The following SLC22A15 variants were observed in gnomAD, a reference collection of about 807,000 sequenced individuals.
SLC22A15 encodes the protein flipt 1.
In SLC22A15, 45 loss-of-function variants were observed where a neutral mutation model predicts 62.7. That is an observed-to-expected ratio of 0.72 (90% confidence interval 0.56 to 0.92). The LOEUF is 0.92. Ranked by LOEUF, SLC22A15 falls within the 40% of genes least tolerant of loss-of-function variation. SLC22A15 has a pLI of 0.00. For missense variants in SLC22A15, 622 were observed against 665.6 expected (o/e 0.93, Z 0.72); for synonymous variants, 264 against 267.0 (o/e 0.99, Z 0.11).
intron 2 of SLC22A15, among the ~76,000 whole-genome samples, chr1:116,007,331 G>A (rs1656033145): frequency 6.6e-6 from 1 of 152,196 alleles, no homozygotes; most frequent in Non-Finnish European, 1.5e-5. Context: ...GGGAACTCTG[G>A]GGTCATGATT....
intron 8 of SLC22A15, among the ~76,000 whole-genome samples, chr1:116,045,674 G>A (rs751276762): frequency 1.4e-5 from 2 of 141,848 alleles, no homozygotes; most frequent in African/African-American, 5.0e-5. Context: ...GGGGGGTAGA[G>A]GTTGCAGTGA....
chr1:115,982,717 A>G (rs1305274295), intron 1 of SLC22A15, among the ~76,000 whole-genome samples: 2 of 152,156 alleles, frequency 1.3e-5, no homozygotes, highest in Non-Finnish European at 1.5e-5. Flanking sequence ...GATTCCATTC[A>G]TATAGTTCTA....
intron 8 of SLC22A15, among the ~76,000 whole-genome samples, chr1:116,060,008 T>C (rs189088777): frequency 1.2e-4 from 18 of 152,366 alleles, no homozygotes; most frequent in Non-Finnish European, 2.2e-4. Flanking sequence ...GTTTTGCTTA[T>C]GTCTTTTAAA....
intron 8 of SLC22A15, among the ~76,000 whole-genome samples, chr1:116,052,114 G>A (rs900554845): frequency 1.7e-4 from 26 of 152,348 alleles, no homozygotes; most frequent in African/African-American, 5.8e-4. Flanking sequence ...TGCCTCACTC[G>A]GGAAGTGCAA....
rs776013225 is a variant in SLC22A15 at position 116,020,788 on chromosome 1, A to G, written c.501A>G (p.Val167=). 9.3e-6 allele frequency: 15 copies of G among 1,613,816 alleles called. No individual in the cohort carries two copies. The highest frequency in any genetic ancestry group is 6.7e-5 in the Admixed American group (4 of 60,010). ...CCCCCTCATATGAGTTCTTTGCAGT[A>G]ACTCGCTTCCTGGTGGGCATGATGA... ...GFSPSYEFFA[V]TRFLVGMMNG... The change falls in exon 4 of 12, where the codon GTA becomes GTG. Residue 167 remains valine, a synonymous_variant. Coordinates refer to ENST00000369503, the MANE Select transcript of SLC22A15 (RefSeq NM_018420.3).
Position 116,067,287 on chromosome 1 carries a change from A to C in SLC22A15, c.*179A>C. On this transcript the variant is annotated 3_prime_UTR_variant, in exon 12 of 12. Coordinates refer to ENST00000369503, the MANE Select transcript of SLC22A15 (RefSeq NM_018420.3). Reference sequence around the variant, plus strand: ...AGAAGTTGGAGAAGAGATTTCATGAAAGACAACATCACTGCATTGAGAGAA... The same window carrying C: ...AGAAGTTGGAGAAGAGATTTCATGACAGACAACATCACTGCATTGAGAGAA... The C allele has an allele frequency of 1.7e-6, 1 of 587,976 alleles. No individual in the cohort carries two copies. Among genetic ancestry groups the C allele is most frequent in the Non-Finnish European group, 3.0e-6 (1 of 331,328 alleles). 36.4% of individuals were successfully genotyped at this position (587,976 alleles called of 1,614,324 possible). A position where few individuals can be genotyped will look rare whatever the true frequency, so the allele number is the denominator to read the frequency against.
chr1:116,000,358 CAA>C (rs1471359075), intron 2 of SLC22A15, among the ~76,000 whole-genome samples: 6 of 152,046 alleles, frequency 3.9e-5, no homozygotes, highest in Non-Finnish European at 7.4e-5. Context: ...AACAAGCAAA[CAA>C]AGAGAAAACT....
chr1:116,057,588 C>G (rs577659826), intron 8 of SLC22A15, among the ~76,000 whole-genome samples: 15 of 152,324 alleles, frequency 9.8e-5, no homozygotes, highest in African/African-American at 3.4e-4. Flanking sequence ...AATCATGCTG[C>G]TATAAAGACA....
intron 8 of SLC22A15, among the ~76,000 whole-genome samples, chr1:116,059,693 C>T (rs1257009669): frequency 6.6e-6 from 1 of 152,118 alleles, no homozygotes; most frequent in African/African-American, 2.4e-5. Flanking sequence ...AGGACCTGTA[C>T]CTGTCTTAAA....
intron 2 of SLC22A15, among the ~76,000 whole-genome samples, chr1:116,001,384 A>G (rs753504243): frequency 6.6e-6 from 1 of 152,152 alleles, no homozygotes; most frequent in Admixed American, 6.5e-5. Context: ...CTCTCTAGGT[A>G]TGGAAAGTTC....
chr1:116,003,200 ACTGTGG>A (rs1655820956), intron 2 of SLC22A15, among the ~76,000 whole-genome samples: 1 of 151,994 alleles, frequency 6.6e-6, no homozygotes, highest in Admixed American at 6.6e-5. Context: ...GCTTTATTTT[ACTGTGG>A]CTGAGCTGGT....
intron 2 of SLC22A15, among the ~76,000 whole-genome samples, chr1:115,995,098 C>T (rs1336249676): frequency 1.3e-5 from 2 of 152,054 alleles, no homozygotes; most frequent in Non-Finnish European, 2.9e-5. Context: ...TTTGGTTTTG[C>T]ATCCCAAGTC....
At chr1:115,981,870 A>G (rs1654628337) in intron 1 of SLC22A15, among the ~76,000 whole-genome samples, 1 of 152,214 alleles carries the variant, frequency 6.6e-6, no homozygotes, top group Non-Finnish European at 1.5e-5. Flanking sequence ...AGTCACGAGG[A>G]CAGGCAATGT....
chr1:115,986,538 G>C (rs933786963), intron 1 of SLC22A15, among the ~76,000 whole-genome samples: 1 of 152,188 alleles, frequency 6.6e-6, no homozygotes, highest in Admixed American at 6.5e-5. Context: ...ATCTGAGCTT[G>C]AGCTGAACTT....
chr1:116,048,179 A>T (rs138025229), intron 8 of SLC22A15, among the ~76,000 whole-genome samples: 2,761 of 152,298 alleles, frequency 0.018, 35 homozygotes, highest in Middle Eastern at 0.065. Context: ...ATCAAGGAAA[A>T]CTTCCCTGGC....
chr1:116,023,169 A>G (rs12023924), intron 4 of SLC22A15, among the ~76,000 whole-genome samples: 35,081 of 152,160 alleles, frequency 0.23, 4,549 homozygotes, highest in East Asian at 0.48. Context: ...TGCAATATGT[A>G]AAAAACAATA....
Position 116,007,748 on chromosome 1 carries a change from C to A in SLC22A15, c.301-11834C>A, listed in dbSNP as rs1042294141. Among the ~76,000 whole-genome samples the A allele has an allele frequency of 1.1e-4, 17 of 152,224 alleles. No homozygotes were observed. In the East Asian group the frequency reaches 3.3e-3, roughly 29 times the overall value. On this transcript the variant is annotated intron_variant, in intron 2 of 11. Coordinates refer to ENST00000369503, the MANE Select transcript of SLC22A15 (RefSeq NM_018420.3). ...GATGAAGAGAATTTAAAGAATTTTCCCTAAATCATACACCTAATAAGCTGC... is the reference window on the plus strand; with the variant it reads ...GATGAAGAGAATTTAAAGAATTTTCACTAAATCATACACCTAATAAGCTGC...
chr1:116,030,959 C>T (rs899400166), intron 5 of SLC22A15, among the ~76,000 whole-genome samples: 4 of 151,866 alleles, frequency 2.6e-5, no homozygotes, highest in Non-Finnish European at 5.9e-5. Context: ...CCCATTGTCT[C>T]TACAGTATTT....
At chr1:116,060,757 A>C (rs569367229) in intron 8 of SLC22A15, among the ~76,000 whole-genome samples, 2 of 152,214 alleles carry the variant, frequency 1.3e-5, no homozygotes, top group Non-Finnish European at 2.9e-5. Flanking sequence ...GTTGAGAAAC[A>C]TATCTCAGGG....
Sources: allele counts gnomAD v4.1 joint callset (sites outside exome capture counted in the v4.1 genomes callset), GRCh38; gene constraint gnomAD v4.1.1; transcripts MANE v1.5; gene names NCBI Gene and HGNC (gene_info 2026-07-23, HGNC 2026-07-21).